Variants in TRIO observed in about 807,000 individuals in gnomAD.
TRIO encodes the protein trio Rho guanine nucleotide exchange factor.
In TRIO, 58 loss-of-function variants were observed where a neutral mutation model predicts 351.9. The observed-to-expected ratio is 0.16, with a 90% CI of 0.13 to 0.21. The LOEUF (loss-of-function observed/expected upper bound fraction) is 0.21, where lower values mean the gene tolerates loss of function less well. Ranked by LOEUF, TRIO falls within the 10% of genes least tolerant of loss-of-function variation. TRIO has a pLI of 1.00. For synonymous variants in TRIO, 1,758 were observed against 1,595.7 expected (o/e 1.10, Z -2.42); for missense variants, 3,201 against 4,027.8 (o/e 0.79, Z 5.56).
intron 6 of TRIO, among the ~76,000 whole-genome samples, chr5:14,295,475 G>C (rs1737272118): frequency 2.0e-5 from 3 of 152,226 alleles, no homozygotes; most frequent in African/African-American, 7.2e-5. Flanking sequence ...TTATATAAAA[G>C]TGACACAGGA....
intron 34 of TRIO, among the ~76,000 whole-genome samples, chr5:14,445,176 G>A (rs559825819): frequency 2.0e-5 from 3 of 152,306 alleles, no homozygotes; most frequent in South Asian, 4.2e-4. Context: ...TGGGAGCTGG[G>A]TAACAAGCCA....
rs35189924 is a variant in TRIO, at chr5:14,237,281, G to A, written c.158-33544G>A. On this transcript the variant is annotated intron_variant, in intron 1 of 56. Transcript: ENST00000344204. ...ATATTTTCTCTTAAGTGTCCTGTCG[G>A]CACTCAAAATATTTCAGACTTTGGA... Among the ~76,000 whole-genome samples the A allele has an allele frequency of 1.3e-3, 199 of 152,292 alleles. 1 individual carries two copies. Among genetic ancestry groups the A allele is most frequent in the Non-Finnish European group, 2.0e-3 (138 of 68,030 alleles).
At position 14,374,213 on chromosome 5, in the gene TRIO, C is replaced by T; in HGVS notation, c.3217-16C>T. 1.2e-6 allele frequency: 2 copies of T among 1,608,010 alleles called. No individual in the cohort carries two copies. Among genetic ancestry groups the T allele is most frequent in the Non-Finnish European group, 1.7e-6 (2 of 1,175,346 alleles). On this transcript the variant is annotated splice_polypyrimidine_tract_variant and intron_variant, in intron 18 of 56. Coordinates refer to ENST00000344204, the MANE Select transcript of TRIO (RefSeq NM_007118.4). ...GAAGTCAAATTAGCAACACATTGCT[C>T]TCCATTGTTTTTTAGGCTTGCACCC...
At chr5:14,435,169 T>C (rs1489433225) in intron 34 of TRIO, among the ~76,000 whole-genome samples, 2 of 151,926 alleles carry the variant, frequency 1.3e-5, no homozygotes, top group Non-Finnish European at 2.9e-5. Flanking sequence ...GGCTTGCAGA[T>C]GGTTTGAAGG....
chr5:14,397,564 C>T lies in TRIO; in HGVS notation c.4423+410C>T, dbSNP rs184840974. ...TTGCTAGAGCCTGGAACATAGTAGG[C>T]ACCAGATATTTCCTTGTGTAACATG... On this transcript the variant is annotated intron_variant, in intron 29 of 56. Transcript: ENST00000344204. Among the ~76,000 whole-genome samples the T allele has an allele frequency of 1.3e-3, 195 of 152,274 alleles. 1 individual carries two copies. The highest frequency in any genetic ancestry group is 3.1e-3 in the South Asian group (15 of 4,820).
chr5:14,205,272 T>C (rs963426674), intron 1 of TRIO, among the ~76,000 whole-genome samples: 6 of 152,180 alleles, frequency 3.9e-5, no homozygotes, highest in African/African-American at 1.2e-4. Flanking sequence ...CTTTTGTGGA[T>C]TGCAAATTCT....
chr5:14,385,445 T>C (rs1006369017), intron 21 of TRIO, among the ~76,000 whole-genome samples: 2 of 152,260 alleles, frequency 1.3e-5, no homozygotes, highest in African/African-American at 2.4e-5. Flanking sequence ...GCGAGGACTT[T>C]AGTTCTGATC....
At chr5:14,288,447 C>T (rs1039356512) in intron 4 of TRIO, among the ~76,000 whole-genome samples, 6 of 151,658 alleles carry the variant, frequency 4.0e-5, no homozygotes, top group Non-Finnish European at 8.8e-5. Flanking sequence ...GGCGGGCGGA[C>T]CACGAGGTCA....
At chr5:14,180,324 G>A (rs33028) in intron 1 of TRIO, among the ~76,000 whole-genome samples, 8,718 of 151,972 alleles carry the variant, frequency 0.057, 321 homozygotes, top group African/African-American at 0.1. Flanking sequence ...TTATTTTGAA[G>A]GTAATGGGAC....
At position 14,493,634 on chromosome 5, in the gene TRIO, A is replaced by G. The variant is rs55972749; in HGVS notation, c.7880+820A>G. On this transcript the variant is annotated intron_variant, in intron 49 of 56. Transcript: ENST00000344204. Reference sequence around the variant, plus strand: ...TGAGACACAACAATATCGAAATTAGACCAGTTAATAACTCTACAGTGGCCC... The same window carrying G: ...TGAGACACAACAATATCGAAATTAGGCCAGTTAATAACTCTACAGTGGCCC... 3.3e-3 allele frequency among the ~76,000 whole-genome samples: 506 copies of G among 152,312 alleles called. 3 individuals are homozygous for G. Among genetic ancestry groups the G allele is most frequent in the African/African-American group, 0.012 (493 of 41,554 alleles).
intron 8 of TRIO, among the ~76,000 whole-genome samples, chr5:14,309,639 A>C (rs74680380): frequency 3.9e-5 from 6 of 152,202 alleles, no homozygotes; most frequent in Non-Finnish European, 5.9e-5. Context: ...AATGGTACAC[A>C]GATCACATGC....
At chr5:14,200,622 C>G (rs1275958698) in intron 1 of TRIO, among the ~76,000 whole-genome samples, 1 of 152,156 alleles carries the variant, frequency 6.6e-6, no homozygotes, top group African/African-American at 2.4e-5. Context: ...TGGACTGAAC[C>G]TGCAAGTAGA....
At chr5:14,503,110 G>A (rs545887229) in intron 54 of TRIO, among the ~76,000 whole-genome samples, 1 of 152,370 alleles carries the variant, frequency 6.6e-6, no homozygotes, top group East Asian at 1.9e-4. Context: ...TCTTCATGAG[G>A]GGCAGCCGAG....
chr5:14,347,839 A>G (rs750129083), intron 11 of TRIO, among the ~76,000 whole-genome samples: 21 of 152,332 alleles, frequency 1.4e-4, no homozygotes, highest in Middle Eastern at 6.8e-3. Context: ...GGCCTGTCAG[A>G]TACGTCAGGT....
chr5:14,393,915 T>C (rs1487611180), intron 27 of TRIO, 123 bp from the exon 28 acceptor site: 3 of 538,626 alleles, frequency 5.6e-6, no homozygotes, highest in Non-Finnish European at 9.5e-6. Context: ...AAGGAAACTT[T>C]ATTATTTCAG....
intron 11 of TRIO, among the ~76,000 whole-genome samples, chr5:14,357,235 A>T (rs1267853825): frequency 6.6e-6 from 1 of 152,206 alleles, no homozygotes; most frequent in Non-Finnish European, 1.5e-5. Flanking sequence ...GGAGGTCCCG[A>T]CTTGCCCCAT....
At chr5:14,362,799 T>G (rs1024926084) in intron 13 of TRIO, among the ~76,000 whole-genome samples, 5 of 152,100 alleles carry the variant, frequency 3.3e-5, no homozygotes, top group Non-Finnish European at 7.4e-5. Context: ...TGTGGTTAAG[T>G]CCCCTCAGCC....
chr5:14,259,782 G>A (rs1795235350), intron 1 of TRIO, among the ~76,000 whole-genome samples: 1 of 131,706 alleles, frequency 7.6e-6, no homozygotes, highest in South Asian at 2.6e-4. Flanking sequence ...AAAGTGCCAG[G>A]TTTTTTGTTT....
At chr5:14,264,293 A>G (rs907215379) in intron 1 of TRIO, among the ~76,000 whole-genome samples, 1 of 152,176 alleles carries the variant, frequency 6.6e-6, no homozygotes, top group African/African-American at 2.4e-5. Context: ...AATAAAAAAT[A>G]AACTACTTTC....
Sources: gnomAD v4.1 joint callset for allele counts (sites outside exome capture counted in the v4.1 genomes callset) on GRCh38, gnomAD v4.1.1 for gene constraint, MANE v1.5 for transcripts, NCBI Gene and HGNC (gene_info 2026-07-23, HGNC 2026-07-21) for gene names.